The following RFX3 variants were observed in gnomAD, a reference collection of about 807,000 sequenced individuals.
RFX3 encodes regulatory factor X3.
In RFX3, 14 loss-of-function variants were observed where a neutral mutation model predicts 98.6. The ratio of observed to expected loss-of-function variants is 0.14; its 90% confidence interval spans 0.09 to 0.22. The LOEUF (loss-of-function observed/expected upper bound fraction) is 0.22, where lower values mean the gene tolerates loss of function less well. Ranked by LOEUF, RFX3 falls within the 10% of genes least tolerant of loss-of-function variation. The probability of loss-of-function intolerance (pLI) is 1.00; values close to 1 mark genes in which losing one functional copy is unlikely to be tolerated. For missense variants in RFX3, 639 were observed against 926.9 expected (o/e 0.69, Z 4.03); for synonymous variants, 383 against 328.4 (o/e 1.17, Z -1.80).
rs77340885 is a variant in RFX3 at position 3,431,983 on chromosome 9, G to A, written c.-8-36387C>T. On this transcript the variant is annotated intron_variant, in intron 1 of 16. Coordinates refer to ENST00000617270, the MANE Select transcript of RFX3 (RefSeq NM_001282116.2). Reference sequence around the variant, plus strand: ...CAACTCCACTATTTGTGCAAATGCCGTCGGGTTTATGATCAGGACTGGTCT... The same window carrying A: ...CAACTCCACTATTTGTGCAAATGCCATCGGGTTTATGATCAGGACTGGTCT... 4.1e-3 allele frequency among the ~76,000 whole-genome samples: 631 copies of A among 152,250 alleles called. 9 individuals are homozygous for A. The highest frequency in any genetic ancestry group is 0.015 in the African/African-American group (607 of 41,558).
At chr9:3,489,649 T>C (rs905438574) in intron 1 of RFX3, among the ~76,000 whole-genome samples, 4 of 152,222 alleles carry the variant, frequency 2.6e-5, no homozygotes, top group Admixed American at 6.5e-5. Context: ...TAATGTTTAG[T>C]CTATGAAACC....
intron 3 of RFX3, among the ~76,000 whole-genome samples, chr9:3,330,834 T>C (rs1408790808): frequency 6.6e-6 from 1 of 152,286 alleles, no homozygotes; most frequent in Non-Finnish European, 1.5e-5. Flanking sequence ...TTCAATTGCT[T>C]ATAAAATGTA....
chr9:3,340,035 G>C (rs1369504836), intron 3 of RFX3, among the ~76,000 whole-genome samples: 7 of 152,096 alleles, frequency 4.6e-5, no homozygotes, highest in African/African-American at 1.7e-4. Context: ...AAACAGCATG[G>C]TACTGGCACC....
chr9:3,273,664 A>C (rs1484060016), intron 9 of RFX3, among the ~76,000 whole-genome samples: 1 of 151,956 alleles, frequency 6.6e-6, no homozygotes, highest in African/African-American at 2.4e-5. Flanking sequence ...AGGAGTTCAA[A>C]ACCAGCCTGG....
chr9:3,501,801 C>A (rs1816043641), intron 1 of RFX3, among the ~76,000 whole-genome samples: 1 of 151,652 alleles, frequency 6.6e-6, no homozygotes, highest in South Asian at 2.1e-4. Context: ...AAGTGATCCA[C>A]CCATCTCAGC....
intron 1 of RFX3, among the ~76,000 whole-genome samples, chr9:3,396,106 G>A (rs189517970): frequency 6.6e-6 from 1 of 151,258 alleles, no homozygotes; most frequent in Admixed American, 6.6e-5. Flanking sequence ...AGTTACATAT[G>A]TATACGTGTG....
chr9:3,330,350 A>C lies in RFX3; in HGVS notation c.383T>G (p.Ile128Ser), dbSNP rs1459772939. The change falls in exon 4 of 17, where the codon ATC becomes AGC. Residue 128 changes from isoleucine to serine, a missense_variant. Ile to Ser is a moderately radical substitution (Grantham distance 142). Transcript: ENST00000617270. ...IQMGVTGGQL[I>S]SSSGGTYLIG... The stretch of plus-strand genomic sequence containing the variant: ...CAGATAGGTTCCTCCAGAGCTGCTG[A>C]TGAGTTGTCCTCCTGTGACGCCCAT... 1 of 1,614,092 alleles carries C rather than the reference A, an allele frequency of 6.2e-7. No homozygotes were observed. The highest frequency in any genetic ancestry group is 2.2e-5 in the East Asian group (1 of 44,852).
chr9:3,453,872 T>A (rs1418206202), intron 1 of RFX3, among the ~76,000 whole-genome samples: 2 of 152,080 alleles, frequency 1.3e-5, no homozygotes. Context: ...TTAAATATTT[T>A]AAATATATTT....
rs1832462249 is a variant in RFX3 at position 3,330,464 on chromosome 9, C to G, written c.269G>C (p.Gly90Ala). 1 of 1,613,898 alleles carries G rather than the reference C, an allele frequency of 6.2e-7. No individual in the cohort carries two copies. Among genetic ancestry groups the G allele is most frequent in the Non-Finnish European group, 8.5e-7 (1 of 1,179,948 alleles). ...TETQMYSQNT[G>A]GNYFDTQGSS... ...CCCTTGAGTATCAAAGTAATTCCCT[C>G]CAGTATTTTGGCTGTACATCTGTGT... is the stretch of plus-strand genomic sequence containing the variant. Residue 90 changes from glycine to alanine, a missense_variant, in exon 4 of 17, where the codon GGA (glycine) becomes GCA (alanine). Physicochemically the swap from Gly to Ala is moderately conservative, Grantham distance 60. Coordinates refer to ENST00000617270, the MANE Select transcript of RFX3 (RefSeq NM_001282116.2).
rs1201129147 is a variant in RFX3, at chr9:3,366,698, CTTTCTTTCTTTCTTTCT to C, written c.118-19951_118-19935del. On this transcript the variant is annotated intron_variant, in intron 2 of 16. Transcript: ENST00000617270. ...TCTTTCTTTCTTCTTTCTTTCCTTTCTTTCTTTCTTTCTTTCTTTCTTTCTTTCTTTCTTTCTTTCTT... is the reference window on the plus strand; with the variant it reads ...TCTTTCTTTCTTCTTTCTTTCCTTTCTTCTTTCTTTCTTTCTTTCTTTCTT... Among the ~76,000 whole-genome samples, 3 of 61,746 alleles carry C rather than the reference CTTTCTTTCTTTCTTTCT, an allele frequency of 4.9e-5. No individual in the cohort carries two copies. In the Admixed American group the frequency reaches 5.1e-4, roughly 10 times the overall value. 40.5% of individuals were successfully genotyped at this position (61,746 alleles called of 152,430 possible).
At chr9:3,362,328 A>G (rs1836556408) in intron 2 of RFX3, among the ~76,000 whole-genome samples, 1 of 152,272 alleles carries the variant, frequency 6.6e-6, no homozygotes, top group South Asian at 2.1e-4. Context: ...TTTAAATGAC[A>G]GAATTCATTT....
rs190997847 is a variant in RFX3 at position 3,224,622 on chromosome 9, G to A, written c.*420C>T. The A allele has an allele frequency of 2.7e-3, 460 of 167,670 alleles. 2 individuals are homozygous for A. Among genetic ancestry groups the A allele is most frequent in the Non-Finnish European group, 3.9e-3 (303 of 76,998 alleles). 10.4% of individuals were successfully genotyped at this position (167,670 alleles called of 1,614,324 possible). On this transcript the variant is annotated 3_prime_UTR_variant, in exon 17 of 17. Transcript: ENST00000617270. ...CTGCTGCCAAATGGGCATGCCTCCA[G>A]TGTAAATCAAAAAAATCATTTCTTT... is the stretch of plus-strand genomic sequence containing the variant.
At chr9:3,521,221 G>A (rs1818679162) in intron 1 of RFX3, among the ~76,000 whole-genome samples, 1 of 152,162 alleles carries the variant, frequency 6.6e-6, no homozygotes, top group African/African-American at 2.4e-5. Flanking sequence ...TTGAAATAAA[G>A]ATTAAAATAT....
chr9:3,254,004 C>A (rs1028267098), intron 14 of RFX3, among the ~76,000 whole-genome samples: 1 of 152,042 alleles, frequency 6.6e-6, no homozygotes, highest in Non-Finnish European at 1.5e-5. Context: ...CTGAATGTGC[C>A]TTTCCTTCTG....
chr9:3,407,072 T>C (rs977146569), intron 1 of RFX3, among the ~76,000 whole-genome samples: 5 of 152,190 alleles, frequency 3.3e-5, no homozygotes, highest in African/African-American at 9.6e-5. Context: ...GCTTCCTTTG[T>C]TTTTATGAGA....
intron 4 of RFX3, among the ~76,000 whole-genome samples, chr9:3,307,277 G>T (rs922612703): frequency 6.6e-6 from 1 of 152,126 alleles, no homozygotes; most frequent in African/African-American, 2.4e-5. Flanking sequence ...TTCCTTTAGG[G>T]ATAGGTAAAT....
At chr9:3,377,949 A>G (rs1174671274) in intron 2 of RFX3, among the ~76,000 whole-genome samples, 2 of 152,196 alleles carry the variant, frequency 1.3e-5, no homozygotes, top group East Asian at 1.9e-4. Context: ...TATAAATTAT[A>G]TACATGTTCT....
chr9:3,413,810 T>C (rs1237115583), intron 1 of RFX3, among the ~76,000 whole-genome samples: 1 of 152,086 alleles, frequency 6.6e-6, no homozygotes, highest in Non-Finnish European at 1.5e-5. Flanking sequence ...TTATGCTTTT[T>C]TGAATAATAT....
intron 1 of RFX3, among the ~76,000 whole-genome samples, chr9:3,461,261 A>G (rs2133059280): frequency 6.6e-6 from 1 of 152,086 alleles, no homozygotes; most frequent in Middle Eastern, 3.4e-3. Flanking sequence ...GCCACCCAAT[A>G]AAGTTCACCA....
Sources: allele counts gnomAD v4.1 joint callset (sites outside exome capture counted in the v4.1 genomes callset), GRCh38; gene constraint gnomAD v4.1.1; transcripts MANE v1.5; gene names NCBI Gene and HGNC (gene_info 2026-07-23, HGNC 2026-07-21).